The following MAP2K5 variants were observed in gnomAD, a reference collection of about 807,000 sequenced individuals.
MAP2K5 encodes the protein dual specificity mitogen-activated protein kinase kinase 5.
Under a neutral mutation model 83.1 loss-of-function variants are expected in MAP2K5, and 49 were observed. That is an observed-to-expected ratio of 0.59 (90% CI 0.47 to 0.75). The LOEUF is 0.75. Ranked by LOEUF, MAP2K5 falls within the 30% of genes least tolerant of loss-of-function variation. The pLI, the probability that MAP2K5 is intolerant of heterozygous loss-of-function variation, is 0.00. For missense variants in MAP2K5, 457 were observed against 557.5 expected, an observed-to-expected ratio of 0.82 and a Z score of 1.82; for synonymous variants, 202 against 191.8, an observed-to-expected ratio of 1.05 and a Z score of -0.44.
chr15:67,715,243 G>C (rs375969304), intron 16 of MAP2K5, among the ~76,000 whole-genome samples: 2 of 146,764 alleles, frequency 1.4e-5, no homozygotes, highest in South Asian at 2.2e-4. Flanking sequence ...GGGAGGGGGG[G>C]GGTCTAAAAT....
At chr15:67,642,571 T>G (rs1461181373) in intron 9 of MAP2K5, 1 of 866,594 alleles carries the variant, frequency 1.2e-6, no homozygotes, top group Middle Eastern at 2.2e-4. Context: ...AATCAGTGCC[T>G]GGAGAAGAGA....
intron 21 of MAP2K5, among the ~76,000 whole-genome samples, chr15:67,804,556 C>T (rs1306416221): frequency 6.6e-6 from 1 of 152,250 alleles, no homozygotes; most frequent in Admixed American, 6.5e-5. Flanking sequence ...AACTGCCTCC[C>T]TGCAGTGCGG....
intron 16 of MAP2K5, among the ~76,000 whole-genome samples, chr15:67,714,437 A>C (rs1291807579): frequency 6.3e-5 from 9 of 143,724 alleles, no homozygotes; most frequent in Non-Finnish European, 9.0e-5. Flanking sequence ...AAAAAAAAAA[A>C]AAAAAAAAAA....
intron 6 of MAP2K5, among the ~76,000 whole-genome samples, chr15:67,590,344 A>G (rs577080618): frequency 1.3e-5 from 2 of 151,938 alleles, no homozygotes; most frequent in South Asian, 2.1e-4. Context: ...TGTATTTCAT[A>G]TTAGGTCTTG....
Position 67,745,794 on chromosome 15 carries a change from C to T in MAP2K5, c.1075-2437C>T, listed in dbSNP as rs535964230. Among the ~76,000 whole-genome samples the T allele has an allele frequency of 2.0e-5, 3 of 152,296 alleles. No homozygotes were observed. In the East Asian group the frequency reaches 5.8e-4, roughly 29 times the overall value. ...AAATGAATCAATTACAATGATGTTG[C>T]ATCATCAAATTCTTGTGAAATAGAA... is the stretch of plus-strand genomic sequence containing the variant. On this transcript the variant is annotated intron_variant, in intron 17 of 21. Coordinates refer to ENST00000178640, the MANE Select transcript of MAP2K5 (RefSeq NM_145160.3).
intron 8 of MAP2K5, among the ~76,000 whole-genome samples, chr15:67,605,652 T>C (rs1380089914): frequency 6.6e-6 from 1 of 152,218 alleles, no homozygotes; most frequent in Non-Finnish European, 1.5e-5. Flanking sequence ...GCCAGATTTC[T>C]ATACAGCATT....
chr15:67,545,915 G>T (rs1292427150), intron 1 of MAP2K5, among the ~76,000 whole-genome samples: 1 of 152,200 alleles, frequency 6.6e-6, no homozygotes, highest in Non-Finnish European at 1.5e-5. Context: ...TTGGACTTGG[G>T]TCTTCTGTTT....
At chr15:67,634,960 A>G (rs905057229) in intron 9 of MAP2K5, among the ~76,000 whole-genome samples, 2 of 151,926 alleles carry the variant, frequency 1.3e-5, no homozygotes, top group African/African-American at 4.8e-5. Context: ...TTTGTTTTCT[A>G]TTTGTTCTGC....
chr15:67,645,058 GA>G (rs1263253399), intron 9 of MAP2K5, among the ~76,000 whole-genome samples: 2 of 152,016 alleles, frequency 1.3e-5, no homozygotes, highest in Admixed American at 6.6e-5. Context: ...TGAGACACGA[GA>G]ATCGCTTGAG....
At chr15:67,658,808 A>T (rs1202583995) in intron 12 of MAP2K5, 194 bp downstream of exon 12, 5 of 633,432 alleles carry the variant, frequency 7.9e-6, no homozygotes, top group Admixed American at 2.1e-5. Flanking sequence ...TCACACGCTT[A>T]TGTGCTCCAA....
At position 67,790,736 on chromosome 15, in the gene MAP2K5, A is replaced by C. The variant is rs527345636; in HGVS notation, c.1243-15910A>C. On this transcript the variant is annotated intron_variant, in intron 21 of 21. Coordinates refer to ENST00000178640, the MANE Select transcript of MAP2K5 (RefSeq NM_145160.3). The surrounding 1 kb of genome is among the most constrained non-coding windows in gnomAD (Gnocchi z 4.6). ...TCACATAAAAACAAACAAACAAAAAAAAAAAAACCTGTGTCCTAATGTCTG... is the reference window on the plus strand; with the variant it reads ...TCACATAAAAACAAACAAACAAAAACAAAAAAACCTGTGTCCTAATGTCTG... 2.0e-5 allele frequency among the ~76,000 whole-genome samples: 3 copies of C among 152,284 alleles called. No homozygotes were observed. The highest frequency in any genetic ancestry group is 4.1e-4 in the South Asian group (2 of 4,820).
At position 67,691,925 on chromosome 15, in the gene MAP2K5, T is replaced by C. The variant is rs149353654; in HGVS notation, c.848-554T>C. On this transcript the variant is annotated intron_variant, in intron 13 of 21. Transcript: ENST00000178640. ...CTTTTAGATAAATTTCTAAGTATTA[T>C]CTGAAGTAGCATTTGCCTTGTAAAA... 1.0e-3 allele frequency among the ~76,000 whole-genome samples: 152 copies of C among 152,366 alleles called. 2 individuals carry two copies. The highest frequency in any genetic ancestry group is 2.6e-3 in the African/African-American group (110 of 41,596).
In MAP2K5 at chr15:67,565,801, G is replaced by A. The variant is rs8027125; in HGVS notation, c.252+2451G>A. Among the ~76,000 whole-genome samples the A allele has an allele frequency of 0.15, 22,439 of 151,784 alleles. 2,149 individuals carry two copies. Among genetic ancestry groups the A allele is most frequent in the African/African-American group, 0.26 (10,790 of 41,358 alleles). Reference sequence around the variant, plus strand: ...TTAAAAAAATTTTTTGTAGAGATAGGGTCTTGCTTTGTTGCCCAGGTTGGC... The same window carrying A: ...TTAAAAAAATTTTTTGTAGAGATAGAGTCTTGCTTTGTTGCCCAGGTTGGC... On this transcript the variant is annotated intron_variant, in intron 3 of 21. Coordinates refer to ENST00000178640, the MANE Select transcript of MAP2K5 (RefSeq NM_145160.3). This position sits in a 1 kb window ranked among gnomAD's most constrained non-coding sequence, Gnocchi z 4.1.
chr15:67,691,462 G>A (rs1200333244), intron 13 of MAP2K5, among the ~76,000 whole-genome samples: 5 of 152,108 alleles, frequency 3.3e-5, no homozygotes, highest in East Asian at 1.9e-4. Context: ...CCCTTTTGCC[G>A]GATGGAAGGT....
At chr15:67,630,784 G>A (rs2086454063) in intron 8 of MAP2K5, 104 bp from the exon 9 acceptor site, 7 of 744,220 alleles carry the variant, frequency 9.4e-6, no homozygotes, top group South Asian at 9.3e-5. Context: ...AAAGTACCAT[G>A]TATCCCACTG....
intron 21 of MAP2K5, among the ~76,000 whole-genome samples, chr15:67,789,635 A>AC (rs2090479886): frequency 6.6e-6 from 1 of 151,066 alleles, no homozygotes; most frequent in Non-Finnish European, 1.5e-5. Flanking sequence ...AATTGCTTGA[A>AC]CCCGGGGAGG....
At chr15:67,691,882 G>T (rs919082974) in intron 13 of MAP2K5, among the ~76,000 whole-genome samples, 1 of 152,176 alleles carries the variant, frequency 6.6e-6, no homozygotes, top group Non-Finnish European at 1.5e-5. Context: ...GCACATGCAT[G>T]TACACATATA....
chr15:67,556,128 C>T (rs954290996), intron 2 of MAP2K5, among the ~76,000 whole-genome samples: 13 of 152,088 alleles, frequency 8.5e-5, no homozygotes, highest in Non-Finnish European at 1.2e-4. Flanking sequence ...GTCGTCTTTG[C>T]CTGTTTTTCT....
At chr15:67,607,484 C>T (rs916050621) in intron 8 of MAP2K5, among the ~76,000 whole-genome samples, 1 of 152,172 alleles carries the variant, frequency 6.6e-6, no homozygotes, top group Non-Finnish European at 1.5e-5. Flanking sequence ...GTTCCTGTAA[C>T]TTCATACATG....
Sources: gnomAD v4.1 joint callset for allele counts (sites outside exome capture counted in the v4.1 genomes callset) on GRCh38, gnomAD v4.1.1 for gene constraint, Gnocchi (gnomAD v3.1) non-coding constraint, MANE v1.5 for transcripts, NCBI Gene and HGNC (gene_info 2026-07-23, HGNC 2026-07-21) for gene names.